Variants in LMNB1 observed in about 807,000 individuals in gnomAD.
LMNB1 encodes lamin-B1.
LMNB1 carries 23 observed loss-of-function variants against 67.1 expected under a neutral mutation model. That is an observed-to-expected ratio of 0.34 (90% CI 0.25 to 0.49). The LOEUF is 0.49. Ranked by LOEUF, LMNB1 falls within the 20% of genes least tolerant of loss-of-function variation. The pLI, the probability that LMNB1 is intolerant of heterozygous loss-of-function variation, is 0.99. For synonymous variants in LMNB1, 281 were observed against 282.9 expected (o/e 0.99, Z 0.07); for missense variants, 634 against 746.5 (o/e 0.85, Z 1.76).
At chr5:126,832,128 C>T (rs1752149376) in intron 9 of LMNB1, among the ~76,000 whole-genome samples, 1 of 151,988 alleles carries the variant, frequency 6.6e-6, no homozygotes, top group South Asian at 2.1e-4. Flanking sequence ...ATTAGCCGCA[C>T]GTGGTGGTGC....
At chr5:126,800,979 ATAATTT>A (rs1751267214) in intron 1 of LMNB1, among the ~76,000 whole-genome samples, 2 of 35,478 alleles carry the variant, frequency 5.6e-5, no homozygotes, top group South Asian at 1.2e-3. Flanking sequence ...ATATATATAT[ATAATTT>A]TTTTTTTTTT....
intron 1 of LMNB1, among the ~76,000 whole-genome samples, chr5:126,793,043 T>C (rs1197293096): frequency 2.0e-5 from 3 of 152,310 alleles, no homozygotes; most frequent in African/African-American, 7.2e-5. Flanking sequence ...GTAAACTGTT[T>C]TAAAAACAGT....
At chr5:126,776,665 A>C (rs902015003), upstream of LMNB1, 4 of 152,154 alleles carry the variant, frequency 2.6e-5, no homozygotes, top group Non-Finnish European at 5.9e-5. Flanking sequence ...GGCCGGGGAC[A>C]CTCTGAGTTT....
chr5:126,781,222 G>A (rs1174383161), intron 1 of LMNB1, among the ~76,000 whole-genome samples: 3 of 151,986 alleles, frequency 2.0e-5, no homozygotes, highest in African/African-American at 4.8e-5. Flanking sequence ...CCGGGGAGGC[G>A]GAGGTTGCAG....
intron 10 of LMNB1, among the ~76,000 whole-genome samples, chr5:126,834,611 G>A (rs908773359): frequency 2.0e-5 from 3 of 152,222 alleles, no homozygotes; most frequent in Admixed American, 6.5e-5. Flanking sequence ...GGCCGGGCAC[G>A]GTGGCTTACG....
Position 126,836,536 on chromosome 5 carries a change from T to C in LMNB1, c.*272T>C. The C allele has an allele frequency of 5.5e-6, 2 of 362,904 alleles. No homozygotes were observed. Among genetic ancestry groups the C allele is most frequent in the Non-Finnish European group, 9.7e-6 (2 of 205,348 alleles). 22.5% of individuals were successfully genotyped at this position (362,904 alleles called of 1,614,324 possible). A position where few individuals can be genotyped will look rare whatever the true frequency, so the allele number is the denominator to read the frequency against. On this transcript the variant is annotated 3_prime_UTR_variant, in exon 11 of 11. Transcript: ENST00000261366. ...GTTCCTCAAATTTTTTGACTTTTTT[T>C]GTATGTGTGTTTTTTCTTTTTTTTT...
At chr5:126,824,171 T>C (rs1751934974) in intron 8 of LMNB1, among the ~76,000 whole-genome samples, 1 of 152,242 alleles carries the variant, frequency 6.6e-6, no homozygotes, top group Non-Finnish European at 1.5e-5. Flanking sequence ...TAGTAATAAG[T>C]GATCTTTCTG....
chr5:126,830,314 A>C (rs1752103241), intron 9 of LMNB1, among the ~76,000 whole-genome samples: 2 of 152,338 alleles, frequency 1.3e-5, no homozygotes, highest in African/African-American at 4.8e-5. Flanking sequence ...CATTTTATAG[A>C]CAGAGTAAAG....
At chr5:126,834,130 T>C (rs72780217) in intron 10 of LMNB1, among the ~76,000 whole-genome samples, 11,483 of 152,272 alleles carry the variant, frequency 0.075, 461 homozygotes, top group African/African-American at 0.09. Flanking sequence ...TGGATTTCTA[T>C]GATTTAAGAG....
chr5:126,813,573 C>T (rs1751631236), intron 5 of LMNB1, among the ~76,000 whole-genome samples: 1 of 152,206 alleles, frequency 6.6e-6, no homozygotes, highest in Non-Finnish European at 1.5e-5. Flanking sequence ...ACAGATATGT[C>T]AGAAATTATT....
At chr5:126,812,001 T>TAACAA in intron 5 of LMNB1, 103 bp downstream of exon 5, 5 of 1,158,460 alleles carry the variant, frequency 4.3e-6, no homozygotes, top group Non-Finnish European at 6.2e-6. Flanking sequence ...CTCTGTTTGT[T>TAACAA]ACAGAGGATG....
intron 1 of LMNB1, among the ~76,000 whole-genome samples, chr5:126,787,546 A>ATATATATTTTTTTTT: frequency 2.0e-4 from 13 of 65,562 alleles, no homozygotes; most frequent in South Asian, 5.6e-4. Context: ...ATATATATAT[A>ATATATATTTTTTTTT]TTTTTTTTTT....
chr5:126,825,737 A>G lies in LMNB1; in HGVS notation c.1492-251A>G, dbSNP rs1313673905. On this transcript the variant is annotated intron_variant, in intron 8 of 10. Coordinates refer to ENST00000261366, the MANE Select transcript of LMNB1 (RefSeq NM_005573.4). ...TCAGGGTCAGCTGGTGTGTAAAGGA[A>G]CTAGGATGTGAGTGTAGGCAGTTTT... is the stretch of plus-strand genomic sequence containing the variant. Among the ~76,000 whole-genome samples, 6 of 152,288 alleles carry G rather than the reference A, an allele frequency of 3.9e-5. No individual in the cohort carries two copies. In the East Asian group the frequency reaches 1.2e-3, roughly 29 times the overall value.
intron 1 of LMNB1, among the ~76,000 whole-genome samples, chr5:126,787,547 T>TATATATATATATATATATATATA (rs869071732): frequency 2.7e-5 from 1 of 37,488 alleles, no homozygotes; most frequent in African/African-American, 8.2e-5. Context: ...TATATATATA[T>TATATATATATATATATATATATA]TTTTTTTTTT....
At chr5:126,817,573 A>G (rs536231089) in intron 5 of LMNB1, among the ~76,000 whole-genome samples, 26 of 152,294 alleles carry the variant, frequency 1.7e-4, no homozygotes, top group Admixed American at 3.3e-4. Context: ...ACAGCATTCA[A>G]TTTTGGCTTC....
At chr5:126,795,357 C>T (rs1455186816) in intron 1 of LMNB1, among the ~76,000 whole-genome samples, 1 of 152,022 alleles carries the variant, frequency 6.6e-6, no homozygotes, top group Non-Finnish European at 1.5e-5. Context: ...AGGGTGGTCT[C>T]GAACTCCTGG....
At chr5:126,781,517 A>G (rs1580521422) in intron 1 of LMNB1, among the ~76,000 whole-genome samples, 1 of 149,014 alleles carries the variant, frequency 6.7e-6, no homozygotes, top group Non-Finnish European at 1.5e-5. Context: ...GCTCACTGCA[A>G]CCTCCGCCTC....
intron 8 of LMNB1, among the ~76,000 whole-genome samples, chr5:126,823,220 A>G (rs1313209390): frequency 1.3e-5 from 2 of 152,212 alleles, no homozygotes; most frequent in Non-Finnish European, 2.9e-5. Flanking sequence ...TAAAACAGCA[A>G]TCTCTAGCCT....
At position 126,777,479 on chromosome 5, in the gene LMNB1, C is replaced by G; in HGVS notation, c.-30C>G. 7.7e-7 allele frequency: 1 copy of G among 1,302,580 alleles called. No individual in the cohort carries two copies. The highest frequency in any genetic ancestry group is 3.2e-5 in the East Asian group (1 of 31,444). 80.7% of individuals were successfully genotyped at this position (1,302,580 alleles called of 1,614,324 possible). A position where few individuals can be genotyped will look rare whatever the true frequency, so the allele number is the denominator to read the frequency against. On this transcript the variant is annotated 5_prime_UTR_variant, in exon 1 of 11. Transcript: ENST00000261366. Reference sequence around the variant, plus strand: ...TCCTTATCACGGTCCCGCTCGCGGCCTCGCCGCCCCGCTGTCTCCGCCGCC... The same window carrying G: ...TCCTTATCACGGTCCCGCTCGCGGCGTCGCCGCCCCGCTGTCTCCGCCGCC...
Sources: gnomAD v4.1 joint callset for allele counts (sites outside exome capture counted in the v4.1 genomes callset) on GRCh38, gnomAD v4.1.1 for gene constraint, MANE v1.5 for transcripts, NCBI Gene and HGNC (gene_info 2026-07-23, HGNC 2026-07-21) for gene names.